XPNPEP3: variants seen among roughly 807,000 people sequenced by gnomAD.
XPNPEP3 encodes the protein X-prolyl aminopeptidase 3, also known as xaa-Pro aminopeptidase 3.
A neutral mutation model predicts 60.0 loss-of-function variants in XPNPEP3; 41 were observed. The ratio of observed to expected loss-of-function variants is 0.68; its 90% confidence interval spans 0.53 to 0.89. XPNPEP3 has a LOEUF of 0.89. Among genes scored for constraint, XPNPEP3 ranks in the 40% least tolerant of loss-of-function variants. The pLI is 0.00. For missense variants in XPNPEP3, 598 were observed against 638.9 expected (o/e 0.94, Z 0.69); for synonymous variants, 212 against 223.2 (o/e 0.95, Z 0.45).
chr22:40,894,182 G>A (rs2058099393), intron 4 of XPNPEP3, among the ~76,000 whole-genome samples: 1 of 152,074 alleles, frequency 6.6e-6, no homozygotes, highest in African/African-American at 2.4e-5. Context: ...AGGCAACACA[G>A]CAAGACTCCG....
rs1045825045 is a variant in XPNPEP3 at position 40,932,069 on chromosome 22, C to G, written c.*5634C>G. ...TGAAGCACAAATGCTGCTTCTCCCC[C>G]TCCTGTTCCCATGTCAGAGATGGAG... On this transcript the variant is annotated 3_prime_UTR_variant, in exon 10 of 10. Coordinates refer to ENST00000357137, the MANE Select transcript of XPNPEP3 (RefSeq NM_022098.4). 2.0e-5 allele frequency: 3 copies of G among 152,230 alleles called. No individual in the cohort carries two copies. Among genetic ancestry groups the G allele is most frequent in the South Asian group, 2.1e-4 (1 of 4,830 alleles). 9.4% of individuals were successfully genotyped at this position (152,230 alleles called of 1,614,324 possible). A position where few individuals can be genotyped will look rare whatever the true frequency, so the allele number is the denominator to read the frequency against.
At chr22:40,924,544 G>C (rs1805311539) in intron 9 of XPNPEP3, 62 bp downstream of exon 9, 2 of 1,601,806 alleles carry the variant, frequency 1.2e-6, no homozygotes, top group South Asian at 1.1e-5. Flanking sequence ...TTGTTTTTGA[G>C]ATGGAGTTTT....
intron 2 of XPNPEP3, among the ~76,000 whole-genome samples, chr22:40,872,080 T>A (rs887103452): frequency 6.6e-6 from 1 of 152,184 alleles, no homozygotes; most frequent in African/African-American, 2.4e-5. Flanking sequence ...CTCTGAATTC[T>A]TGGGAGCTAT....
At chr22:40,918,709 A>G (rs1247567754) in intron 7 of XPNPEP3, among the ~76,000 whole-genome samples, 4 of 151,338 alleles carry the variant, frequency 2.6e-5, no homozygotes, top group African/African-American at 4.9e-5. Context: ...GACGAGGGAT[A>G]TTTGTTGGTA....
chr22:40,911,507 A>G (rs2058177067), intron 6 of XPNPEP3, among the ~76,000 whole-genome samples: 1 of 147,718 alleles, frequency 6.8e-6, no homozygotes, highest in Non-Finnish European at 1.5e-5. Flanking sequence ...CTCATTCAGT[A>G]TCTCTCCTAT....
chr22:40,873,384 T>C (rs1186536214), intron 2 of XPNPEP3, among the ~76,000 whole-genome samples: 2 of 151,790 alleles, frequency 1.3e-5, no homozygotes, highest in Admixed American at 1.3e-4. Context: ...ATTACATGCG[T>C]GAGCCACCAT....
chr22:40,875,864 A>AG (rs2058025848), intron 2 of XPNPEP3, among the ~76,000 whole-genome samples: 1 of 151,630 alleles, frequency 6.6e-6, no homozygotes, highest in South Asian at 2.1e-4. Context: ...AAAAAAAAAA[A>AG]AAAAAATTAG....
chr22:40,928,733 C>T lies in XPNPEP3; in HGVS notation c.*2298C>T, dbSNP rs982065883. The T allele has an allele frequency of 1.3e-5, 2 of 152,084 alleles. No homozygotes were observed. The highest frequency in any genetic ancestry group is 2.9e-5 in the Non-Finnish European group (2 of 68,026). The allele number at this position is 152,084 out of a possible 1,614,324, so 9.4% of individuals were successfully genotyped here. On this transcript the variant is annotated 3_prime_UTR_variant, in exon 10 of 10. Coordinates refer to ENST00000357137, the MANE Select transcript of XPNPEP3 (RefSeq NM_022098.4). The stretch of plus-strand genomic sequence containing the variant: ...CAAATTTGAGGGTTTCTTAAAAAAA[C>T]AATTTGTATTAGGGAAGCACAAGCT...
At chr22:40,884,538 TAGTC>T (rs1279960419) in intron 3 of XPNPEP3, among the ~76,000 whole-genome samples, 5 of 151,296 alleles carry the variant, frequency 3.3e-5, no homozygotes, top group African/African-American at 1.2e-4. Context: ...TTTACCATGT[TAGTC>T]AGGCTGGTCT....
At position 40,919,711 on chromosome 22, in the gene XPNPEP3, G is replaced by C. The variant is rs539780823; in HGVS notation, c.1056-2622G>C. On this transcript the variant is annotated intron_variant, in intron 7 of 9. Coordinates refer to ENST00000357137, the MANE Select transcript of XPNPEP3 (RefSeq NM_022098.4). ...AATGAAAACATTTCTCAACAAAAAGGGTTGCACAAGGACATTCATAACAGC... is the reference window on the plus strand; with the variant it reads ...AATGAAAACATTTCTCAACAAAAAGCGTTGCACAAGGACATTCATAACAGC... Among the ~76,000 whole-genome samples the C allele has an allele frequency of 3.8e-4, 58 of 152,224 alleles. 1 individual carries two copies. The South Asian group carries it at 0.011, about 30-fold the overall frequency.
intron 1 of XPNPEP3, chr22:40,861,436 C>G (rs200114040): frequency 1.9e-6 from 3 of 1,613,840 alleles, no homozygotes; most frequent in East Asian, 4.5e-5. Context: ...GAAGTTGTAA[C>G]AGATATGTAG....
intron 3 of XPNPEP3, among the ~76,000 whole-genome samples, chr22:40,883,069 AAATT>A (rs1189193870): frequency 6.6e-6 from 1 of 152,140 alleles, no homozygotes; most frequent in Non-Finnish European, 1.5e-5. Context: ...AAAAATAAAT[AAATT>A]AAGGACAGGA....
intron 1 of XPNPEP3, among the ~76,000 whole-genome samples, 187 bp downstream of exon 1, chr22:40,857,432 CGTT>C (rs1440160073): frequency 1.3e-5 from 2 of 152,186 alleles, no homozygotes; most frequent in Non-Finnish European, 2.9e-5. Context: ...TGTTCTCTAC[CGTT>C]GAGGTATTTT....
intron 5 of XPNPEP3, among the ~76,000 whole-genome samples, chr22:40,908,011 T>G (rs1375866401): frequency 6.6e-6 from 1 of 152,050 alleles, no homozygotes; most frequent in Non-Finnish European, 1.5e-5. Context: ...GCCAGGAGTT[T>G]GAGACCAGCC....
intron 2 of XPNPEP3, among the ~76,000 whole-genome samples, chr22:40,878,279 T>G (rs950583745): frequency 1.3e-5 from 2 of 152,180 alleles, no homozygotes; most frequent in Admixed American, 1.3e-4. Context: ...TTAGAAGCAT[T>G]TACTTAATGA....
chr22:40,869,038 C>A lies in XPNPEP3; in HGVS notation c.104C>A (p.Pro35His). 1 of 1,614,128 alleles carries A rather than the reference C, an allele frequency of 6.2e-7. No homozygotes were observed. The highest frequency in any genetic ancestry group is 8.5e-7 in the Non-Finnish European group (1 of 1,179,990). ...LCSQRRYSLQ[P>H]VPERRIPNRY... ...TCACAGCGAAGGTACTCCCTTCAGC[C>A]TGTCCCAGAAAGGAGGATTCCAAAC... is the stretch of plus-strand genomic sequence containing the variant. The change falls in exon 2 of 10, where the codon CCT becomes CAT. Residue 35 changes from proline (P) to histidine (H), a missense_variant. By Grantham distance (77) the Pro-to-His change is moderately conservative. Transcript: ENST00000357137.
chr22:40,862,935 C>T (rs2057958896), intron 1 of XPNPEP3, among the ~76,000 whole-genome samples: 1 of 152,014 alleles, frequency 6.6e-6, no homozygotes, highest in African/African-American at 2.4e-5. Context: ...GATATGTGCT[C>T]CAAAAAAAAT....
Position 40,881,998 on chromosome 22 carries a change from A to C in XPNPEP3, c.410A>C (p.Gln137Pro). ...FQEPDSILVL[Q>P]SLPGKQLPSH... is the part of the protein sequence containing the mutation. ...GAGCCTGATAGCATTCTTGTCCTTC[A>C]GAGCCTCCCTGGCAAACAATTACCA... Residue 137 changes from glutamine to proline, a missense_variant, in exon 3 of 10, where the codon CAG becomes CCG. By Grantham distance (76) the Gln-to-Pro change is moderately conservative. Coordinates refer to ENST00000357137, the MANE Select transcript of XPNPEP3 (RefSeq NM_022098.4). 2.5e-6 allele frequency: 4 copies of C among 1,614,148 alleles called. No homozygotes were observed. The highest frequency in any genetic ancestry group is 3.4e-6 in the Non-Finnish European group (4 of 1,180,022).
intron 4 of XPNPEP3, among the ~76,000 whole-genome samples, chr22:40,903,325 A>T (rs1232458624): frequency 6.6e-6 from 1 of 151,890 alleles, no homozygotes; most frequent in Non-Finnish European, 1.5e-5. Flanking sequence ...ACCATTCCTC[A>T]TATGTTATAT....
Sources: gnomAD v4.1 joint callset for allele counts (sites outside exome capture counted in the v4.1 genomes callset) on GRCh38, gnomAD v4.1.1 for gene constraint, MANE v1.5 for transcripts, NCBI Gene and HGNC (gene_info 2026-07-23, HGNC 2026-07-21) for gene names.